SLC44A5: variants seen among roughly 807,000 people sequenced by gnomAD.
The protein encoded by SLC44A5 is solute carrier family 44 member 5, also known as choline transporter-like protein 5.
Under a neutral mutation model 101.8 loss-of-function variants are expected in SLC44A5, and 57 were observed. That is an observed-to-expected ratio of 0.56 (90% CI 0.45 to 0.70). SLC44A5 has a LOEUF of 0.70. Ranked by LOEUF, SLC44A5 falls within the 30% of genes least tolerant of loss-of-function variation. The pLI is 0.00. For synonymous variants in SLC44A5, 281 were observed against 290.9 expected (o/e 0.97, Z 0.35); for missense variants, 737 against 853.1 (o/e 0.86, Z 1.70).
intron 2 of SLC44A5, among the ~76,000 whole-genome samples, chr1:75,492,433 G>A (rs569574607): frequency 3.3e-5 from 5 of 152,110 alleles, no homozygotes; most frequent in East Asian, 3.9e-4. Context: ...TGGCAAAAAG[G>A]AAGCACTCAA....
chr1:75,586,162 G>A (rs1673976027), intron 1 of SLC44A5, among the ~76,000 whole-genome samples: 1 of 152,094 alleles, frequency 6.6e-6, no homozygotes, highest in Non-Finnish European at 1.5e-5. Flanking sequence ...ATCCTTTAGA[G>A]GCCTGAATAG....
At chr1:75,296,513 T>G (rs147863366) in intron 5 of SLC44A5, among the ~76,000 whole-genome samples, 6 of 152,226 alleles carry the variant, frequency 3.9e-5, no homozygotes, top group African/African-American at 1.4e-4. Context: ...TGGACAAGGC[T>G]CAGCAGGGTT....
intron 1 of SLC44A5, among the ~76,000 whole-genome samples, chr1:75,583,672 A>G (rs1673830138): frequency 6.6e-6 from 1 of 152,212 alleles, no homozygotes; most frequent in Non-Finnish European, 1.5e-5. Flanking sequence ...TCTCAAGAAA[A>G]AACTCACTTT....
chr1:75,661,409 A>C, the SLC44A5 span, among the ~76,000 whole-genome samples: 2 of 149,780 alleles, frequency 1.3e-5, no homozygotes, highest in South Asian at 2.1e-4. Context: ...AAAAAAAAAA[A>C]AAAAAACACC....
At chr1:75,644,796 C>G in the SLC44A5 span, among the ~76,000 whole-genome samples, 1 of 150,422 alleles carries the variant, frequency 6.6e-6, no homozygotes, top group Non-Finnish European at 1.5e-5. Context: ...CACCTCCCCC[C>G]ACCCCACAAC....
intron 5 of SLC44A5, among the ~76,000 whole-genome samples, chr1:75,296,281 C>T (rs1162178585): frequency 1.3e-5 from 2 of 152,076 alleles, no homozygotes; most frequent in Non-Finnish European, 2.9e-5. Flanking sequence ...GATTGCAGAT[C>T]CTACTTCTCA....
intron 13 of SLC44A5, among the ~76,000 whole-genome samples, chr1:75,225,932 G>A (rs1425724023): frequency 4.6e-5 from 7 of 152,114 alleles, no homozygotes; most frequent in African/African-American, 1.2e-4. Flanking sequence ...CACAGAACCC[G>A]TAACTAAGAT....
At chr1:75,308,391 ATT>A (rs564898630) in intron 4 of SLC44A5, among the ~76,000 whole-genome samples, 195 of 145,758 alleles carry the variant, frequency 1.3e-3, no homozygotes, top group African/African-American at 4.7e-3. Context: ...TTGAAACCTG[ATT>A]TTTTTTTTTT....
intron 1 of SLC44A5, among the ~76,000 whole-genome samples, chr1:75,548,066 T>A (rs2101972129): frequency 6.6e-6 from 1 of 152,280 alleles, no homozygotes. Flanking sequence ...ATTTCCATTT[T>A]CCACATAAAA....
chr1:75,662,145 C>T, the SLC44A5 span, among the ~76,000 whole-genome samples: 2 of 151,930 alleles, frequency 1.3e-5, no homozygotes, highest in Non-Finnish European at 2.9e-5. Flanking sequence ...TATATATATA[C>T]AATGGAATCA....
chr1:75,559,594 C>G (rs1352835387), intron 1 of SLC44A5, among the ~76,000 whole-genome samples: 1 of 152,136 alleles, frequency 6.6e-6, no homozygotes, highest in African/African-American at 2.4e-5. Context: ...ATGCACTGTT[C>G]ACAGTACAGA....
intron 2 of SLC44A5, among the ~76,000 whole-genome samples, chr1:75,461,312 T>A (rs1666483636): frequency 6.6e-6 from 1 of 152,204 alleles, no homozygotes; most frequent in South Asian, 2.1e-4. Context: ...TCTGACAATT[T>A]TCACATGCAC....
the SLC44A5 span, among the ~76,000 whole-genome samples, chr1:75,700,922 TC>T: frequency 6.6e-5 from 10 of 152,142 alleles, no homozygotes; most frequent in Non-Finnish European, 1.3e-4. Context: ...ATAGATAAAT[TC>T]CTGGAGACAT....
chr1:75,279,762 A>C (rs756665348), intron 5 of SLC44A5, among the ~76,000 whole-genome samples: 38 of 82,324 alleles, frequency 4.6e-4, no homozygotes, highest in Admixed American at 3.7e-3. Flanking sequence ...ACATGTATGT[A>C]TGTATTTTTA....
the SLC44A5 span, among the ~76,000 whole-genome samples, chr1:75,678,376 A>G: frequency 6.6e-6 from 1 of 152,130 alleles, no homozygotes; most frequent in Non-Finnish European, 1.5e-5. Flanking sequence ...GACAGCTTTG[A>G]AGAGAGCAGT....
At chr1:75,523,488 T>G (rs1570519603) in intron 2 of SLC44A5, among the ~76,000 whole-genome samples, 2 of 152,102 alleles carry the variant, frequency 1.3e-5, no homozygotes, top group South Asian at 2.1e-4. Flanking sequence ...AATTTTTTTT[T>G]TTTTTGTATT....
At chr1:75,291,882 G>C (rs913910226) in intron 5 of SLC44A5, among the ~76,000 whole-genome samples, 5 of 151,828 alleles carry the variant, frequency 3.3e-5, no homozygotes, top group Admixed American at 2.0e-4. Context: ...CGTGGTGGCG[G>C]GCACCTGTAG....
intron 1 of SLC44A5, among the ~76,000 whole-genome samples, chr1:75,555,517 G>C (rs761231372): frequency 4.6e-5 from 7 of 152,220 alleles, no homozygotes; most frequent in East Asian, 3.9e-4. Context: ...ATGATGGTGA[G>C]AGTAGAGGAG....
chr1:75,530,796 A>C (rs1054288251), intron 2 of SLC44A5, among the ~76,000 whole-genome samples: 1 of 152,164 alleles, frequency 6.6e-6, no homozygotes, highest in African/African-American at 2.4e-5. Context: ...TATTTTTTCC[A>C]TACCTGACAG....
Sources: gnomAD v4.1 joint callset for allele counts (sites outside exome capture counted in the v4.1 genomes callset) on GRCh38, gnomAD v4.1.1 for gene constraint, MANE v1.5 for transcripts, NCBI Gene and HGNC (gene_info 2026-07-23, HGNC 2026-07-21) for gene names.